PTPRG: variants seen among roughly 807,000 people sequenced by gnomAD.
PTPRG encodes the protein receptor-type tyrosine-protein phosphatase gamma.
Under a neutral mutation model 165.3 loss-of-function variants are expected in PTPRG, and 102 were observed. The observed-to-expected ratio is 0.62, with a 90% CI of 0.53 to 0.73. The LOEUF (loss-of-function observed/expected upper bound fraction) is 0.73. Among genes scored for constraint, PTPRG ranks in the 30% least tolerant of loss-of-function variants. The pLI, the probability that PTPRG is intolerant of heterozygous loss-of-function variation, is 0.00. For synonymous variants in PTPRG, 675 were observed against 669.5 expected (o/e 1.01, Z -0.13); for missense variants, 1,866 against 1,861.4 (o/e 1.00, Z -0.05).
Position 62,254,917 on chromosome 3 carries a change from C to A in PTPRG, c.2468-207C>A, listed in dbSNP as rs1701503346. ...ACCTTTTTTTAAAAACCATATTTAA[C>A]CTGGCTTGTAGGCATTAAAGTCATA... On this transcript the variant is annotated intron_variant, in intron 15 of 29. Coordinates refer to ENST00000474889, the MANE Select transcript of PTPRG (RefSeq NM_002841.4). The surrounding 1 kb of genome is among the most constrained non-coding windows in gnomAD (Gnocchi z 4.6). Among the ~76,000 whole-genome samples the A allele has an allele frequency of 6.6e-6, 1 of 151,896 alleles. No individual in the cohort carries two copies. Among genetic ancestry groups the A allele is most frequent in the Non-Finnish European group, 1.5e-5 (1 of 67,976 alleles).
At chr3:61,801,444 A>G (rs1440643465) in intron 2 of PTPRG, among the ~76,000 whole-genome samples, 4 of 151,612 alleles carry the variant, frequency 2.6e-5, no homozygotes, top group Admixed American at 6.6e-5. Flanking sequence ...AGTAGCTGGG[A>G]CTACATAAAT....
intron 2 of PTPRG, among the ~76,000 whole-genome samples, chr3:61,825,822 T>A (rs1559633613): frequency 6.6e-6 from 1 of 151,938 alleles, no homozygotes; most frequent in Admixed American, 6.6e-5. Context: ...CTTTTTGTTG[T>A]TGTTGTTTGG....
chr3:61,836,183 G>A (rs1168463504), intron 2 of PTPRG, among the ~76,000 whole-genome samples: 2 of 151,842 alleles, frequency 1.3e-5, no homozygotes, highest in Non-Finnish European at 1.5e-5. Flanking sequence ...GGAATCACTG[G>A]TAAGTCTTTA....
intron 12 of PTPRG, among the ~76,000 whole-genome samples, chr3:62,207,743 ATATAT>A (rs1700264434): frequency 6.6e-6 from 1 of 152,178 alleles, no homozygotes; most frequent in Non-Finnish European, 1.5e-5. Flanking sequence ...AGTGGCTTTA[ATATAT>A]TATCTCCCAG....
intron 1 of PTPRG, among the ~76,000 whole-genome samples, chr3:61,683,685 C>T (rs542747956): frequency 7.2e-5 from 11 of 152,324 alleles, no homozygotes; most frequent in South Asian, 6.2e-4. Flanking sequence ...CGTTCTCTGT[C>T]GTGCTTGAGC....
chr3:61,621,671 T>G (rs1273793300), intron 1 of PTPRG, among the ~76,000 whole-genome samples: 5 of 152,168 alleles, frequency 3.3e-5, no homozygotes, highest in Admixed American at 6.5e-5. Flanking sequence ...TCCTCTCAGG[T>G]CAGTTGGAGT....
chr3:61,612,187 C>A (rs560243066), intron 1 of PTPRG, among the ~76,000 whole-genome samples: 3 of 152,314 alleles, frequency 2.0e-5, no homozygotes, highest in African/African-American at 7.2e-5. Flanking sequence ...AGGTGATCCA[C>A]CTGCCTTGGC....
Position 62,294,285 on chromosome 3 carries a change from C to G in PTPRG, c.*978C>G, listed in dbSNP as rs192093350. ...TACTCCTATAGCAATCTAATAAAAA[C>G]TACCTACATAGTTACTGTTTTCTTT... On this transcript the variant is annotated 3_prime_UTR_variant, in exon 30 of 30. Coordinates refer to ENST00000474889, the MANE Select transcript of PTPRG (RefSeq NM_002841.4). The G allele has an allele frequency of 1.1e-4, 17 of 152,194 alleles. No individual in the cohort carries two copies. Among genetic ancestry groups the G allele is most frequent in the African/African-American group, 3.1e-4 (13 of 41,538 alleles). 9.4% of individuals were successfully genotyped at this position (152,194 alleles called of 1,614,324 possible).
At chr3:62,043,804 ATAATC>A (rs1259544441) in intron 4 of PTPRG, among the ~76,000 whole-genome samples, 1 of 152,228 alleles carries the variant, frequency 6.6e-6, no homozygotes, top group East Asian at 1.9e-4. Context: ...AAGGGGTGGT[ATAATC>A]TAGTCAATTC....
chr3:61,810,773 T>G (rs1050729246), intron 2 of PTPRG, among the ~76,000 whole-genome samples: 1 of 152,340 alleles, frequency 6.6e-6, no homozygotes, highest in East Asian at 1.9e-4. Context: ...TAGGCATTTT[T>G]TATAAGTAAT....
chr3:61,898,451 T>C (rs1043320123), intron 2 of PTPRG, among the ~76,000 whole-genome samples: 1 of 152,228 alleles, frequency 6.6e-6, no homozygotes, highest in Non-Finnish European at 1.5e-5. Flanking sequence ...TCTGACTTTA[T>C]CCTTGTTTCT....
At chr3:61,833,221 G>C (rs1470881578) in intron 2 of PTPRG, among the ~76,000 whole-genome samples, 1 of 152,070 alleles carries the variant, frequency 6.6e-6, no homozygotes, top group Non-Finnish European at 1.5e-5. Context: ...GTTATAAATT[G>C]AATTCTACAT....
chr3:61,741,855 A>C (rs2032997998), intron 1 of PTPRG, among the ~76,000 whole-genome samples: 2 of 152,232 alleles, frequency 1.3e-5, no homozygotes. Flanking sequence ...ATCTATATGT[A>C]AATGGACCAC....
At chr3:61,840,572 T>C (rs1235802566) in intron 2 of PTPRG, among the ~76,000 whole-genome samples, 2 of 152,124 alleles carry the variant, frequency 1.3e-5, no homozygotes, top group South Asian at 2.1e-4. Context: ...GCTTTGGTCA[T>C]ACTAATTTAA....
chr3:61,697,829 G>T (rs1195425643), intron 1 of PTPRG, among the ~76,000 whole-genome samples: 1 of 151,998 alleles, frequency 6.6e-6, no homozygotes, highest in Non-Finnish European at 1.5e-5. Flanking sequence ...CTCATATTTT[G>T]CATGACTCCT....
chr3:61,586,742 C>T (rs564227464), intron 1 of PTPRG, among the ~76,000 whole-genome samples: 96 of 152,312 alleles, frequency 6.3e-4, no homozygotes, highest in African/African-American at 2.1e-3. Flanking sequence ...CCATTTGTTT[C>T]GGGGCTGCCT....
At chr3:62,216,193 C>CA (rs1553652623) in intron 12 of PTPRG, among the ~76,000 whole-genome samples, 2 of 145,254 alleles carry the variant, frequency 1.4e-5, no homozygotes, top group Non-Finnish European at 3.0e-5. Context: ...GCCTGGGTGA[C>CA]AGAGTGAGAC....
intron 2 of PTPRG, among the ~76,000 whole-genome samples, chr3:61,886,262 C>T (rs1362832180): frequency 6.6e-6 from 1 of 152,058 alleles, no homozygotes; most frequent in Non-Finnish European, 1.5e-5. Flanking sequence ...CCATAACCCT[C>T]CTCTTATAGG....
intron 26 of PTPRG, among the ~76,000 whole-genome samples, chr3:62,280,135 A>G (rs1702377463): frequency 6.6e-6 from 1 of 152,070 alleles, no homozygotes; most frequent in South Asian, 2.1e-4. Flanking sequence ...TTTCTATGTT[A>G]TCCCCTCTTG....
Sources: gnomAD v4.1 joint callset for allele counts (sites outside exome capture counted in the v4.1 genomes callset) on GRCh38, gnomAD v4.1.1 for gene constraint, Gnocchi (gnomAD v3.1) non-coding constraint, MANE v1.5 for transcripts, NCBI Gene and HGNC (gene_info 2026-07-23, HGNC 2026-07-21) for gene names.